Variants in ST6GALNAC3 observed in about 807,000 individuals in gnomAD.
ST6GALNAC3 encodes ST6 N-acetylgalactosaminide alpha-2,6-sialyltransferase 3, also known as alpha-N-acetylgalactosaminide alpha-2,6-sialyltransferase 3.
In ST6GALNAC3, 25 loss-of-function variants were observed where a neutral mutation model predicts 32.7. That is an observed-to-expected ratio of 0.76 (90% CI 0.56 to 1.07). The LOEUF (loss-of-function observed/expected upper bound fraction) is 1.07. Among genes scored for constraint, ST6GALNAC3 ranks in the 50% least tolerant of loss-of-function variants. ST6GALNAC3 has a pLI of 0.00. For missense variants in ST6GALNAC3, 355 were observed against 382.4 expected (o/e 0.93, Z 0.60); for synonymous variants, 129 against 133.1 (o/e 0.97, Z 0.21).
chr1:76,510,857 T>C (rs1571467257), intron 3 of ST6GALNAC3, among the ~76,000 whole-genome samples: 1 of 152,304 alleles, frequency 6.6e-6, no homozygotes, highest in East Asian at 1.9e-4. Context: ...ATCTGTTAAA[T>C]ACTGTACAGG....
intron 1 of ST6GALNAC3, among the ~76,000 whole-genome samples, chr1:76,244,272 GC>G (rs1657133502): frequency 6.6e-6 from 1 of 152,108 alleles, no homozygotes; most frequent in Non-Finnish European, 1.5e-5. Flanking sequence ...GTATAGGAAT[GC>G]TCGTGATTTT....
chr1:76,408,775 ATTGT>A (rs1441154340), intron 2 of ST6GALNAC3, among the ~76,000 whole-genome samples: 1 of 151,920 alleles, frequency 6.6e-6, no homozygotes, highest in Non-Finnish European at 1.5e-5. Context: ...CTTCTTTTTG[ATTGT>A]TTAAATTTGT....
chr1:76,242,419 G>C (rs947661520), intron 1 of ST6GALNAC3, among the ~76,000 whole-genome samples: 1 of 151,846 alleles, frequency 6.6e-6, no homozygotes, highest in Non-Finnish European at 1.5e-5. Flanking sequence ...GGGTGATGTT[G>C]CCAGATACCT....
chr1:76,216,833 G>C (rs1655492833), intron 1 of ST6GALNAC3, among the ~76,000 whole-genome samples: 1 of 152,116 alleles, frequency 6.6e-6, no homozygotes, highest in African/African-American at 2.4e-5. Context: ...GTAAAAATTA[G>C]TGCTTTGTCA....
chr1:76,336,475 G>C (rs765072553), intron 2 of ST6GALNAC3, among the ~76,000 whole-genome samples: 2 of 152,108 alleles, frequency 1.3e-5, no homozygotes, highest in Admixed American at 1.3e-4. Context: ...CATTCGATTC[G>C]GTGGCATTGA....
At chr1:76,627,222 T>C (rs1343283576) in intron 3 of ST6GALNAC3, among the ~76,000 whole-genome samples, 1 of 151,976 alleles carries the variant, frequency 6.6e-6, no homozygotes, top group African/African-American at 2.4e-5. Flanking sequence ...CCACACAACA[T>C]AGCTTTGAGG....
At chr1:76,126,190 GTC>G (rs1242612861) in intron 1 of ST6GALNAC3, among the ~76,000 whole-genome samples, 1 of 152,116 alleles carries the variant, frequency 6.6e-6, no homozygotes, top group African/African-American at 2.4e-5. Context: ...ACCACAAAGA[GTC>G]TTCTATTTTC....
chr1:76,403,300 T>C (rs1325279885), intron 2 of ST6GALNAC3, among the ~76,000 whole-genome samples: 1 of 152,122 alleles, frequency 6.6e-6, no homozygotes, highest in Non-Finnish European at 1.5e-5. Context: ...CTCCATTTGC[T>C]CTTCAAAATG....
At chr1:76,551,550 C>A (rs1327504861) in intron 3 of ST6GALNAC3, among the ~76,000 whole-genome samples, 4 of 152,012 alleles carry the variant, frequency 2.6e-5, no homozygotes, top group Non-Finnish European at 5.9e-5. Flanking sequence ...TTTATTGATA[C>A]ATAATATTTG....
Position 76,630,421 on chromosome 1 carries a change from A to G in ST6GALNAC3, c.*1615A>G. 2 of 985,248 alleles carry G rather than the reference A, an allele frequency of 2.0e-6. No individual in the cohort carries two copies. The highest frequency in any genetic ancestry group is 2.4e-6 in the Non-Finnish European group (2 of 829,830). The allele number at this position is 985,248 out of a possible 1,614,324, so 61.0% of individuals were successfully genotyped here. A position where few individuals can be genotyped will look rare whatever the true frequency, so the allele number is the denominator to read the frequency against. On this transcript the variant is annotated 3_prime_UTR_variant, in exon 5 of 5. Transcript: ENST00000328299. ...GCAGAGAAATATAGTTTCCTTTCCTAGGATTGAGACAATTCTATTTTTCAT... is the reference window on the plus strand; with the variant it reads ...GCAGAGAAATATAGTTTCCTTTCCTGGGATTGAGACAATTCTATTTTTCAT...
intron 1 of ST6GALNAC3, among the ~76,000 whole-genome samples, chr1:76,222,061 G>T (rs1655803315): frequency 1.3e-5 from 2 of 152,068 alleles, no homozygotes; most frequent in South Asian, 4.1e-4. Flanking sequence ...ATATATTTGT[G>T]TATGTATTAT....
At chr1:76,463,276 G>T (rs1053847015) in intron 3 of ST6GALNAC3, among the ~76,000 whole-genome samples, 1 of 152,090 alleles carries the variant, frequency 6.6e-6, no homozygotes, top group Admixed American at 6.6e-5. Flanking sequence ...GGTAAATTGC[G>T]GGGGCTACAT....
chr1:76,485,944 A>G (rs959781098), intron 3 of ST6GALNAC3, among the ~76,000 whole-genome samples: 42 of 152,306 alleles, frequency 2.8e-4, no homozygotes, highest in African/African-American at 1.0e-3. Flanking sequence ...CATTGGTTTC[A>G]AAGAACATCT....
chr1:76,557,995 T>C (rs1186606201), intron 3 of ST6GALNAC3, among the ~76,000 whole-genome samples: 1 of 152,002 alleles, frequency 6.6e-6, no homozygotes, highest in Non-Finnish European at 1.5e-5. Context: ...GGTTCCCAAA[T>C]GACAAACTAT....
intron 1 of ST6GALNAC3, among the ~76,000 whole-genome samples, chr1:76,162,940 T>TGTCCAA (rs1651901925): frequency 6.6e-6 from 1 of 152,136 alleles, no homozygotes; most frequent in South Asian, 2.1e-4. Flanking sequence ...GGGAATAGCA[T>TGTCCAA]GTGTGTGGAC....
chr1:76,189,436 G>A (rs114886952), intron 1 of ST6GALNAC3, among the ~76,000 whole-genome samples: 2,632 of 152,144 alleles, frequency 0.017, 82 homozygotes, highest in African/African-American at 0.061. Flanking sequence ...ATTGGTCTGG[G>A]CTGAACCTGA....
chr1:76,453,543 C>T (rs548950496), intron 3 of ST6GALNAC3, among the ~76,000 whole-genome samples: 5 of 152,206 alleles, frequency 3.3e-5, no homozygotes, highest in African/African-American at 1.2e-4. Flanking sequence ...ACCCAAAAAT[C>T]ATTTGGGAGC....
At chr1:76,378,678 A>C (rs929078314) in intron 2 of ST6GALNAC3, among the ~76,000 whole-genome samples, 2 of 144,674 alleles carry the variant, frequency 1.4e-5, no homozygotes, top group African/African-American at 5.2e-5. Context: ...CAAAAAAAAA[A>C]ATTAAAAATT....
intron 3 of ST6GALNAC3, among the ~76,000 whole-genome samples, chr1:76,620,506 C>A (rs945038921): frequency 2.6e-5 from 4 of 151,990 alleles, no homozygotes; most frequent in East Asian, 3.9e-4. Context: ...GATCAGGGTA[C>A]CAGCATTACA....
Sources: allele counts gnomAD v4.1 joint callset (sites outside exome capture counted in the v4.1 genomes callset), GRCh38; gene constraint gnomAD v4.1.1; transcripts MANE v1.5; gene names NCBI Gene and HGNC (gene_info 2026-07-23, HGNC 2026-07-21).